Variants in KMT2C observed in about 807,000 individuals in gnomAD.
KMT2C encodes the protein lysine methyltransferase 2C, also known as histone-lysine N-methyltransferase 2C.
Under a neutral mutation model 507.9 loss-of-function variants are expected in KMT2C, and 88 were observed. The ratio of observed to expected loss-of-function variants is 0.17; its 90% CI spans 0.15 to 0.21. The LOEUF (loss-of-function observed/expected upper bound fraction) is 0.21, where lower values mean the gene tolerates loss of function less well. Ranked by LOEUF, KMT2C falls within the 10% of genes least tolerant of loss-of-function variation. The probability of loss-of-function intolerance (pLI) is 1.00; values close to 1 mark genes in which losing one functional copy is unlikely to be tolerated. For synonymous variants in KMT2C, 2,049 were observed against 2,080.8 expected (o/e 0.98, Z 0.42); for missense variants, 4,954 against 5,957.8 (o/e 0.83, Z 5.55).
chr7:152,322,393 C>T (rs534892839), intron 3 of KMT2C, among the ~76,000 whole-genome samples: 4 of 152,012 alleles, frequency 2.6e-5, no homozygotes, highest in African/African-American at 9.6e-5. Flanking sequence ...ACCAATGGAA[C>T]AGGAATGAAC....
intron 1 of KMT2C, among the ~76,000 whole-genome samples, chr7:152,391,565 GAC>G (rs2097498915): frequency 1.7e-5 from 1 of 57,850 alleles, no homozygotes; most frequent in African/African-American, 9.5e-5. Flanking sequence ...TTTTTTTTTT[GAC>G]ACAGAGTCTC....
intron 2 of KMT2C, among the ~76,000 whole-genome samples, chr7:152,346,185 G>A (rs571546096): frequency 2.4e-4 from 37 of 152,268 alleles, no homozygotes; most frequent in Admixed American, 6.5e-4. Context: ...TAGATCTGGC[G>A]TGCAGAAAAT....
chr7:152,298,933 C>T (rs1449265784), intron 6 of KMT2C, among the ~76,000 whole-genome samples: 1 of 152,026 alleles, frequency 6.6e-6, no homozygotes, highest in Non-Finnish European at 1.5e-5. Flanking sequence ...TGAAGGTAGA[C>T]CTCTCTAAAT....
chr7:152,368,731 C>T, intron 1 of KMT2C: 1 of 1,098,670 alleles, frequency 9.1e-7, no homozygotes, highest in Non-Finnish European at 1.3e-6. Flanking sequence ...TTTGTTGGAT[C>T]CGTTTGACCA....
chr7:152,162,645 A>G lies in KMT2C; in HGVS notation c.10932T>C (p.Pro3644=), dbSNP rs2092517091. The G allele has an allele frequency of 6.2e-7, 1 of 1,614,110 alleles. No homozygotes were observed. The highest frequency in any genetic ancestry group is 1.7e-5 in the Admixed American group (1 of 59,998). The change falls in exon 43 of 59, where the codon CCT becomes CCC. Residue 3644 remains proline, a synonymous_variant. Coordinates refer to ENST00000262189, the MANE Select transcript of KMT2C (RefSeq NM_170606.3). ...TPGISETTST[P]AVSTPSELPQ... is the part of the protein sequence containing the mutation. Reference sequence around the variant, plus strand: ...GAAGCTCACTGGGTGTGCTCACTGCAGGAGTAGAGGTAGTTTCTGAGATGC... The same window carrying G: ...GAAGCTCACTGGGTGTGCTCACTGCGGGAGTAGAGGTAGTTTCTGAGATGC...
At chr7:152,185,274 G>A (rs745875101) in intron 34 of KMT2C, among the ~76,000 whole-genome samples, 4 of 152,156 alleles carry the variant, frequency 2.6e-5, no homozygotes, top group Non-Finnish European at 4.4e-5. Flanking sequence ...TACCTCTGCT[G>A]AAGAGATAAA....
intron 27 of KMT2C, 104 bp downstream of exon 27, chr7:152,199,175 A>T: frequency 2.3e-6 from 2 of 871,416 alleles, no homozygotes; most frequent in Non-Finnish European, 3.5e-6. Flanking sequence ...GTTGATTTTT[A>T]AAATGCATAT....
At chr7:152,158,183 G>A (rs983817117) in intron 44 of KMT2C, among the ~76,000 whole-genome samples, 1 of 152,184 alleles carries the variant, frequency 6.6e-6, no homozygotes, top group Non-Finnish European at 1.5e-5. Flanking sequence ...AAAAACTGGG[G>A]CATCAACTGA....
chr7:152,276,425 G>A (rs111432825), intron 6 of KMT2C, among the ~76,000 whole-genome samples: 22 of 150,496 alleles, frequency 1.5e-4, no homozygotes, highest in African/African-American at 4.1e-4. Context: ...TAACAATTAC[G>A]AAGCTAATTA....
intron 1 of KMT2C, among the ~76,000 whole-genome samples, chr7:152,375,728 T>C (rs1389006188): frequency 6.6e-6 from 1 of 152,118 alleles, no homozygotes; most frequent in African/African-American, 2.4e-5. Context: ...ATGCACTCAC[T>C]TTGTGTCTCT....
intron 46 of KMT2C, chr7:152,154,862 A>C (rs1269905618): frequency 6.3e-6 from 1 of 159,916 alleles, no homozygotes; most frequent in Non-Finnish European, 1.4e-5. Context: ...CAAAAAAAAA[A>C]GGAAAGAGAA....
At chr7:152,315,435 C>A in intron 3 of KMT2C, 97 bp from the exon 4 acceptor site, 1 of 811,112 alleles carries the variant, frequency 1.2e-6, no homozygotes, top group South Asian at 1.7e-5. Flanking sequence ...TAAATTATGT[C>A]TAAAGCACAA....
In KMT2C at chr7:152,144,836, G is replaced by T. The variant is rs2129092813; in HGVS notation, c.14220C>A (p.Ser4740Arg). 2 of 1,614,126 alleles carry T rather than the reference G, an allele frequency of 1.2e-6. No homozygotes were observed. The highest frequency in any genetic ancestry group is 8.5e-7 in the Non-Finnish European group (1 of 1,179,978). ...NSTSTSKSFQ[S>R]TVTGELNAPY... The stretch of plus-strand genomic sequence containing the variant: ...GTGCGTTCAGTTCTCCAGTGACTGT[G>T]CTCTGAAATGACTTTGAGGTGCTGG... Residue 4740 changes from serine to arginine, a missense_variant, in exon 55 of 59, where the codon AGC (serine) becomes AGA (arginine). Coordinates refer to ENST00000262189, the MANE Select transcript of KMT2C (RefSeq NM_170606.3). The surrounding 1 kb of genome is among the most constrained non-coding windows in gnomAD (Gnocchi z 4.4).
At chr7:152,233,583 A>G (rs1208666254) in intron 16 of KMT2C, among the ~76,000 whole-genome samples, 7 of 152,234 alleles carry the variant, frequency 4.6e-5, no homozygotes, top group African/African-American at 1.7e-4. Context: ...CTGACTCAAG[A>G]AGGTCAATAA....
At chr7:152,166,891 G>A (rs941367202) in intron 42 of KMT2C, among the ~76,000 whole-genome samples, 4 of 152,130 alleles carry the variant, frequency 2.6e-5, no homozygotes, top group African/African-American at 7.2e-5. Context: ...CTTCGAAGTC[G>A]AAATTATGAG....
At chr7:152,222,535 A>G in intron 21 of KMT2C, 38 bp downstream of exon 21, 1 of 1,066,194 alleles carries the variant, frequency 9.4e-7, no homozygotes. Flanking sequence ...AGTGAGTGGT[A>G]CAAGAGTGCA....
intron 6 of KMT2C, among the ~76,000 whole-genome samples, chr7:152,297,237 G>A (rs767751950): frequency 1.8e-4 from 28 of 152,240 alleles, no homozygotes; most frequent in Non-Finnish European, 2.8e-4. Flanking sequence ...GAGTTTCCAG[G>A]CCATGGCATA....
chr7:152,363,657 C>G (rs774892947), intron 1 of KMT2C, among the ~76,000 whole-genome samples: 2 of 151,960 alleles, frequency 1.3e-5, no homozygotes, highest in Non-Finnish European at 2.9e-5. Context: ...AGATAGGAAC[C>G]CAAAATGAGA....
In KMT2C at chr7:152,158,867, T is replaced by C. The variant is rs773850495; in HGVS notation, c.11666A>G (p.Lys3889Arg). The change falls in exon 44 of 59, where the codon AAA (lysine) becomes AGA (arginine). Residue 3889 changes from lysine to arginine, a missense_variant. Physicochemically the swap from Lys to Arg is conservative, Grantham distance 26. Around this residue, in one of 29 missense-constraint regions of KMT2C, gnomAD observed 801 missense variants for 751.2 expected, o/e 1.07. Transcript: ENST00000262189. ...YSSTDTFTHL[K>R]QQNNLSNPPT... ...CTCTAAATGACTCACCCTCACCTGT[T>C]TCAAGTGGGTAAACGTGTCAGTGCT... The C allele has an allele frequency of 1.9e-6, 3 of 1,614,034 alleles. No homozygotes were observed. The highest frequency in any genetic ancestry group is 2.5e-6 in the Non-Finnish European group (3 of 1,179,862).
Sources: gnomAD v4.1 joint callset for allele counts (sites outside exome capture counted in the v4.1 genomes callset) on GRCh38, gnomAD v4.1.1 for gene constraint, gnomAD v4.1.1 regional missense constraint, Gnocchi (gnomAD v3.1) non-coding constraint, MANE v1.5 for transcripts, NCBI Gene and HGNC (gene_info 2026-07-23, HGNC 2026-07-21) for gene names.